The following ACAA2 variants were observed in gnomAD, a reference collection of about 807,000 sequenced individuals.
The protein encoded by ACAA2 is 3-ketoacyl-CoA thiolase, mitochondrial.
ACAA2 carries 35 observed loss-of-function variants against 44.8 expected under a neutral mutation model. The observed-to-expected ratio is 0.78, with a 90% confidence interval of 0.60 to 1.04. The LOEUF (loss-of-function observed/expected upper bound fraction) is 1.04, where lower values mean the gene tolerates loss of function less well. Among genes scored for constraint, ACAA2 ranks in the 50% least tolerant of loss-of-function variants. ACAA2 has a pLI of 0.00. For synonymous variants in ACAA2, 142 were observed against 166.5 expected, an observed-to-expected ratio of 0.85 and a Z score of 1.13; for missense variants, 468 against 482.6, an observed-to-expected ratio of 0.97 and a Z score of 0.28.
At chr18:49,804,372 C>A (rs987158152) in intron 1 of ACAA2, among the ~76,000 whole-genome samples, 1 of 152,158 alleles carries the variant, frequency 6.6e-6, no homozygotes, top group East Asian at 1.9e-4. Context: ...AAGTTACAGA[C>A]TTCAAATAAA....
intron 1 of ACAA2, among the ~76,000 whole-genome samples, chr18:49,808,247 C>A (rs2023630510): frequency 6.6e-6 from 1 of 152,166 alleles, no homozygotes; most frequent in African/African-American, 2.4e-5. Context: ...TCATTCACTG[C>A]TGGTGGGAAT....
chr18:49,787,190 A>G (rs2023340250), intron 8 of ACAA2, 101 bp downstream of exon 8: 1 of 950,288 alleles, frequency 1.1e-6, no homozygotes. Flanking sequence ...AACTACAATG[A>G]AATTCAAAGA....
chr18:49,792,172 C>T lies in ACAA2; in HGVS notation c.733G>A (p.Val245Ile), dbSNP rs1314247322. 1 of 1,613,830 alleles carries T rather than the reference C, an allele frequency of 6.2e-7. No individual in the cohort carries two copies. Among genetic ancestry groups the T allele is most frequent in the South Asian group, 1.1e-5 (1 of 91,044 alleles). The change falls in exon 6 of 10, where the codon GTT becomes ATT. Residue 245 changes from valine to isoleucine, a missense_variant. Physicochemically the swap from Val to Ile is conservative, Grantham distance 29. Transcript: ENST00000285093. The stretch of plus-strand genomic sequence containing the variant: ...CCAACCGATGCATTCCCTGCAGTAA[C>T]AGTTCCATCTTTCTTGAATACTGGA... ...LPPVFKKDGT[V>I]TAGNASGVAD...
chr18:49,798,588 G>T (rs2023491990), intron 2 of ACAA2, among the ~76,000 whole-genome samples: 1 of 152,036 alleles, frequency 6.6e-6, no homozygotes, highest in Admixed American at 6.6e-5. Context: ...TCAAGGTACG[G>T]GGTTTTAGGA....
chr18:49,809,748 G>T (rs1411729536), intron 1 of ACAA2, among the ~76,000 whole-genome samples: 2 of 152,240 alleles, frequency 1.3e-5, no homozygotes, highest in South Asian at 4.1e-4. Context: ...AATCACAGAT[G>T]ATGTTTAGGG....
intron 1 of ACAA2, among the ~76,000 whole-genome samples, chr18:49,807,372 A>G (rs1014798248): frequency 1.3e-5 from 2 of 152,206 alleles, no homozygotes; most frequent in African/African-American, 4.8e-5. Flanking sequence ...TCTTATCTAA[A>G]AAAACAGAAA....
intron 7 of ACAA2, 113 bp downstream of exon 7, chr18:49,791,357 C>A: frequency 1.0e-6 from 1 of 962,154 alleles, no homozygotes; most frequent in Non-Finnish European, 1.6e-6. Context: ...GATTACCAAT[C>A]TTCTTTTCTC....
At position 49,788,245 on chromosome 18, in the gene ACAA2, T is replaced by C. The variant is rs948240914; in HGVS notation, c.884-884A>G. 5.9e-5 allele frequency among the ~76,000 whole-genome samples: 9 copies of C among 152,342 alleles called. No individual in the cohort carries two copies. In the East Asian group the frequency reaches 1.7e-3, roughly 29 times the overall value. On this transcript the variant is annotated intron_variant, in intron 7 of 9. Coordinates refer to ENST00000285093, the MANE Select transcript of ACAA2 (RefSeq NM_006111.3). ...TACTTCTCGACTTGTTCTTAAAGAATGAAACTGCCAAAAATGTCTACAAAG... is the reference window on the plus strand; with the variant it reads ...TACTTCTCGACTTGTTCTTAAAGAACGAAACTGCCAAAAATGTCTACAAAG...
intron 5 of ACAA2, among the ~76,000 whole-genome samples, chr18:49,792,576 C>G (rs557637789): frequency 4.2e-4 from 64 of 152,156 alleles, no homozygotes; most frequent in South Asian, 8.3e-4. Flanking sequence ...TCCCCAGTAG[C>G]TGGGATTATA....
At chr18:49,788,229 A>G (rs1389603026) in intron 7 of ACAA2, among the ~76,000 whole-genome samples, 3 of 152,248 alleles carry the variant, frequency 2.0e-5, no homozygotes, top group Non-Finnish European at 2.9e-5. Context: ...CTACTTCTCG[A>G]CTTGTTCTTA....
chr18:49,805,750 CCTTTTTTT>C (rs1326803623), intron 1 of ACAA2, among the ~76,000 whole-genome samples: 1 of 151,760 alleles, frequency 6.6e-6, no homozygotes, highest in Non-Finnish European at 1.5e-5. Context: ...CTAATTTTTA[CCTTTTTTT>C]CTTTTTTTTT....
intron 1 of ACAA2, among the ~76,000 whole-genome samples, chr18:49,805,034 A>T (rs1481120652): frequency 6.6e-6 from 1 of 152,228 alleles, no homozygotes; most frequent in African/African-American, 2.4e-5. Flanking sequence ...ATTATAGCTA[A>T]CATAGAGGGG....
intron 1 of ACAA2, among the ~76,000 whole-genome samples, chr18:49,808,236 T>C (rs1434724396): frequency 6.6e-6 from 1 of 152,130 alleles, no homozygotes; most frequent in Admixed American, 6.5e-5. Context: ...ACAACAGAAA[T>C]TCATTCACTG....
chr18:49,801,810 A>ATC (rs1555790824), intron 2 of ACAA2, among the ~76,000 whole-genome samples: 37 of 144,988 alleles, frequency 2.6e-4, no homozygotes, highest in Non-Finnish European at 5.1e-4. Flanking sequence ...ATATATATAT[A>ATC]TATATCTTAT....
chr18:49,805,196 G>C (rs1298675000), intron 1 of ACAA2, among the ~76,000 whole-genome samples: 1 of 152,166 alleles, frequency 6.6e-6, no homozygotes, highest in Non-Finnish European at 1.5e-5. Flanking sequence ...CTACAAATGA[G>C]ACTATTCAAG....
intron 7 of ACAA2, among the ~76,000 whole-genome samples, chr18:49,787,942 A>ATAGCAG (rs2023353251): frequency 6.6e-6 from 1 of 152,200 alleles, no homozygotes; most frequent in African/African-American, 2.4e-5. Context: ...AAGACAAGAA[A>ATAGCAG]TAGCAGTATC....
intron 3 of ACAA2, among the ~76,000 whole-genome samples, chr18:49,796,705 A>G (rs1876475384): frequency 6.6e-6 from 1 of 151,896 alleles, no homozygotes; most frequent in Non-Finnish European, 1.5e-5. Flanking sequence ...TAAATTCTTG[A>G]GATTTCCTGC....
chr18:49,785,118 G>C (rs1302210454), intron 9 of ACAA2, 79 bp downstream of exon 9: 1 of 1,501,886 alleles, frequency 6.7e-7, no homozygotes, highest in Non-Finnish European at 9.0e-7. Flanking sequence ...AAAAATGTTG[G>C]AGTGTTCTGG....
chr18:49,798,003 G>C (rs2143963650), intron 2 of ACAA2, among the ~76,000 whole-genome samples: 1 of 152,264 alleles, frequency 6.6e-6, no homozygotes, highest in South Asian at 2.1e-4. Flanking sequence ...ATAACAATTA[G>C]AGTTATTTAA....
Sources: allele counts gnomAD v4.1 joint callset (sites outside exome capture counted in the v4.1 genomes callset), GRCh38; gene constraint gnomAD v4.1.1; transcripts MANE v1.5; gene names NCBI Gene and HGNC (gene_info 2026-07-23, HGNC 2026-07-21).